Variants in SEMA4A observed in about 807,000 individuals in gnomAD.
SEMA4A encodes semaphorin 4A, also known as semaphorin-4A.
In SEMA4A, 52 loss-of-function variants were observed where a neutral mutation model predicts 72.5. The observed-to-expected ratio is 0.72, with a 90% CI of 0.57 to 0.90. The LOEUF (loss-of-function observed/expected upper bound fraction) is 0.90, where lower values mean the gene tolerates loss of function less well. Ranked by LOEUF, SEMA4A falls within the 40% of genes least tolerant of loss-of-function variation. SEMA4A has a pLI of 0.00. For synonymous variants in SEMA4A, 369 were observed against 393.1 expected, an observed-to-expected ratio of 0.94 and a Z score of 0.73; for missense variants, 926 against 959.7, an observed-to-expected ratio of 0.96 and a Z score of 0.46.
At position 156,157,497 on chromosome 1, in the gene SEMA4A, T is replaced by C. The variant is rs1572392417; in HGVS notation, c.301-573T>C. Among the ~76,000 whole-genome samples, 1 of 152,186 alleles carries C rather than the reference T, an allele frequency of 6.6e-6. No homozygotes were observed. Among genetic ancestry groups the C allele is most frequent in the East Asian group, 1.9e-4 (1 of 5,198 alleles). On this transcript the variant is annotated intron_variant, in intron 3 of 14. Coordinates refer to ENST00000368285, the MANE Select transcript of SEMA4A (RefSeq NM_022367.4). This position sits in a 1 kb window ranked among gnomAD's most constrained non-coding sequence, Gnocchi z 4.5. The stretch of plus-strand genomic sequence containing the variant: ...CTGTGCCTGGCTGCTTCTGTCTTAG[T>C]CGCCCTATTAATGGGAACAATGTGA...
chr1:156,173,049 G>C (rs758478701), intron 11 of SEMA4A, 43 bp downstream of exon 11: 2 of 1,591,070 alleles, frequency 1.3e-6, no homozygotes, highest in Non-Finnish European at 1.7e-6. Context: ...GACTAGAGCA[G>C]AGGATGCCCC....
rs548449542 is a variant in SEMA4A at position 156,156,110 on chromosome 1, G to A, written c.140-304G>A. On this transcript the variant is annotated intron_variant, in intron 2 of 14. Transcript: ENST00000368285. ...TCCTCATCCTAGTGAGGACCAAGGC[G>A]TCCTCCCCGACGGTAGCCCTCCCTG... 4.7e-5 allele frequency: 19 copies of A among 404,614 alleles called. No homozygotes were observed. In the East Asian group the frequency reaches 6.8e-4, roughly 14 times the overall value. The allele number at this position is 404,614 out of a possible 1,614,324, so 25.1% of individuals were successfully genotyped here.
intron 10 of SEMA4A, 116 bp from the exon 11 acceptor site, chr1:156,172,710 C>T (rs1360545400): frequency 2.0e-6 from 2 of 990,972 alleles, no homozygotes; most frequent in African/African-American, 3.2e-5. Context: ...TTAACCACCA[C>T]CCTGAAATGA....
chr1:156,176,486 G>A lies in SEMA4A; in HGVS notation c.1775G>A (p.Ser592Asn). The A allele has an allele frequency of 6.2e-7, 1 of 1,614,148 alleles. No homozygotes were observed. The highest frequency in any genetic ancestry group is 2.2e-5 in the East Asian group (1 of 44,888). The change falls in exon 15 of 15, where the codon AGT becomes AAT. Residue 592 changes from serine (S) to asparagine (N), a missense_variant. Transcript: ENST00000368285. ...HLSALASYYW[S>N]HGPAAVPEAS... ...TCAGCCTTGGCCTCTTATTATTGGA[G>A]TCATGGCCCAGCAGCAGTCCCAGAA... is the stretch of plus-strand genomic sequence containing the variant.
intron 3 of SEMA4A, 101 bp downstream of exon 3, chr1:156,156,675 A>G: frequency 3.6e-6 from 4 of 1,099,538 alleles, no homozygotes; most frequent in South Asian, 2.6e-5. Flanking sequence ...AGTTGCTGTT[A>G]TCTGTAATCA....
At chr1:156,156,743 C>G (rs1006644719) in intron 3 of SEMA4A, among the ~76,000 whole-genome samples, 169 bp downstream of exon 3, 4 of 114,744 alleles carry the variant, frequency 3.5e-5, no homozygotes, top group Admixed American at 9.4e-5. Context: ...GTCGTGGCCT[C>G]ACTTTTTTTT....
Position 156,158,446 on chromosome 1 carries a change from C to A in SEMA4A, c.422C>A (p.Thr141Asn). The A allele has an allele frequency of 6.2e-7, 1 of 1,614,044 alleles. No homozygotes were observed. The highest frequency in any genetic ancestry group is 8.5e-7 in the Non-Finnish European group (1 of 1,179,940). Residue 141 changes from threonine to asparagine, a missense_variant, in exon 5 of 15, where the codon ACC becomes AAC. Thr to Asn is a moderately conservative substitution (Grantham distance 65). Coordinates refer to ENST00000368285, the MANE Select transcript of SEMA4A (RefSeq NM_022367.4). ...LVSYNVTHLY[T>N]CGTFAFSPAC... The stretch of plus-strand genomic sequence containing the variant: ...TCTTACAATGTCACCCATCTCTACA[C>A]CTGCGGCACCTTCGCCTTCAGCCCT...
chr1:156,160,461 G>T lies in SEMA4A; in HGVS notation c.587G>T (p.Gly196Val), dbSNP rs1653482941. The change falls in exon 7 of 15, where the codon GGT becomes GTT. Residue 196 changes from glycine to valine, a missense_variant. Coordinates refer to ENST00000368285, the MANE Select transcript of SEMA4A (RefSeq NM_022367.4). ...AVLVDGMLYS[G>V]TMNNFLGSEP... Reference sequence around the variant, plus strand: ...ACCCTAGATGGGATGCTCTATTCTGGTACTATGAACAACTTCCTGGGCAGT... The same window carrying T: ...ACCCTAGATGGGATGCTCTATTCTGTTACTATGAACAACTTCCTGGGCAGT... The T allele has an allele frequency of 1.2e-6, 2 of 1,613,640 alleles. No homozygotes were observed. The highest frequency in any genetic ancestry group is 1.7e-5 in the Admixed American group (1 of 59,966).
In SEMA4A at chr1:156,158,484, A is replaced by G. The variant is rs141242452; in HGVS notation, c.460A>G (p.Ile154Val). ...TFAFSPACTF[I>V]ELQDSYLLPI... The stretch of plus-strand genomic sequence containing the variant: ...CGCCTTCAGCCCTGCTTGTACCTTC[A>G]TTGTGAGTTCTCTGGTGCCCAGCGC... The change falls in exon 5 of 15, where the codon ATT becomes GTT. Residue 154 changes from isoleucine to valine, a missense_variant and splice_region_variant. Coordinates refer to ENST00000368285, the MANE Select transcript of SEMA4A (RefSeq NM_022367.4). The G allele has an allele frequency of 3.1e-6, 5 of 1,610,158 alleles. No individual in the cohort carries two copies. In the African/African-American group the frequency reaches 6.7e-5, roughly 22 times the overall value.
At chr1:156,175,711 G>A (rs78166371) in intron 14 of SEMA4A, 55 bp downstream of exon 14, 2 of 1,255,506 alleles carry the variant, frequency 1.6e-6, no homozygotes, top group Non-Finnish European at 2.3e-6. Flanking sequence ...AGACTTTTGG[G>A]CAGGGGTGGG....
intron 10 of SEMA4A, among the ~76,000 whole-genome samples, chr1:156,172,025 C>A (rs1654838991): frequency 6.6e-6 from 1 of 151,328 alleles, no homozygotes; most frequent in South Asian, 2.1e-4. Flanking sequence ...ACTTCGTGAT[C>A]CGCCAGCCTC....
At chr1:156,148,910 C>T (rs983053201), upstream of SEMA4A, among the ~76,000 whole-genome samples, 3 of 147,602 alleles carry the variant, frequency 2.0e-5, no homozygotes, top group Non-Finnish European at 4.4e-5. Context: ...TCAAGTGATT[C>T]TCCTGCCTCA....
At chr1:156,154,907 G>C in intron 2 of SEMA4A, 190 bp downstream of exon 2, 32 of 734,954 alleles carry the variant, frequency 4.4e-5, no homozygotes, top group Admixed American at 3.0e-5. Flanking sequence ...CAAAAGGAAA[G>C]AAAAGCCACT....
Position 156,154,647 on chromosome 1 carries a change from G to C in SEMA4A, c.69G>C (p.Gln23His), listed in dbSNP as rs990440941. 1 of 1,608,014 alleles carries C rather than the reference G, an allele frequency of 6.2e-7. No homozygotes were observed. The highest frequency in any genetic ancestry group is 8.5e-7 in the Non-Finnish European group (1 of 1,177,906). The stretch of plus-strand genomic sequence containing the variant: ...GCCTTTTCCTCTTCCAACTGCTTCA[G>C]CTGCTGCTGCCGACGACGACCGCGG... ...LLGLFLFQLL[Q>H]LLLPTTTAGG... is the part of the protein sequence containing the mutation. The change falls in exon 2 of 15, where the codon CAG becomes CAC. Residue 23 changes from glutamine (Q) to histidine (H), a missense_variant. By Grantham distance (24) the Gln-to-His change is conservative. Coordinates refer to ENST00000368285, the MANE Select transcript of SEMA4A (RefSeq NM_022367.4).
At chr1:156,158,225 A>C in intron 4 of SEMA4A, 93 bp downstream of exon 4, 1 of 1,427,224 alleles carries the variant, frequency 7.0e-7, no homozygotes, top group Non-Finnish European at 9.9e-7. Context: ...GCGGCAGTGG[A>C]GGGCACTTGT....
chr1:156,167,430 C>T (rs1654270777), intron 10 of SEMA4A, among the ~76,000 whole-genome samples: 1 of 146,406 alleles, frequency 6.8e-6, no homozygotes, highest in South Asian at 2.1e-4. Context: ...GTCGAGGCTG[C>T]ACCCCACTGT....
chr1:156,174,781 G>A, intron 11 of SEMA4A, 41 bp from the exon 12 acceptor site: 1 of 1,613,966 alleles, frequency 6.2e-7, no homozygotes, highest in Non-Finnish European at 8.5e-7. Context: ...GGGATCTGTG[G>A]ATGAGATGAG....
chr1:156,152,297 G>A (rs1553268024), upstream of SEMA4A, among the ~76,000 whole-genome samples: 2 of 152,206 alleles, frequency 1.3e-5, no homozygotes, highest in Non-Finnish European at 1.5e-5. Flanking sequence ...TGGGGGCAGG[G>A]CATGGAGTCT....
At chr1:156,151,007 G>GACC (rs1652492924), upstream of SEMA4A, among the ~76,000 whole-genome samples, 1 of 152,108 alleles carries the variant, frequency 6.6e-6, no homozygotes, top group Non-Finnish European at 1.5e-5. Flanking sequence ...CACCCCACCT[G>GACC]ACCTGCTGCC....
Sources: allele counts gnomAD v4.1 joint callset (sites outside exome capture counted in the v4.1 genomes callset), GRCh38; gene constraint gnomAD v4.1.1; non-coding constraint Gnocchi (gnomAD v3.1); transcripts MANE v1.5; gene names NCBI Gene and HGNC (gene_info 2026-07-23, HGNC 2026-07-21).